ZNF91: variants seen among roughly 807,000 people sequenced by gnomAD.
ZNF91 encodes the protein zinc finger protein 91, also known as zinc finger protein 91 (HPF7, HTF10).
Under a neutral mutation model 12.6 loss-of-function variants are expected in ZNF91, and 7 were observed. That is an observed-to-expected ratio of 0.55 (90% CI 0.31 to 1.04). The LOEUF (loss-of-function observed/expected upper bound fraction) is 1.04, where lower values mean the gene tolerates loss of function less well. Among genes scored for constraint, ZNF91 ranks in the 50% least tolerant of loss-of-function variants. ZNF91 has a pLI of 0.05. For missense variants in ZNF91, 1,217 were observed against 1,385.4 expected (o/e 0.88, Z 1.93); for synonymous variants, 453 against 462.6 (o/e 0.98, Z 0.27).
chr19:23,390,178 T>C (rs1210476760), intron 1 of ZNF91, among the ~76,000 whole-genome samples: 2 of 151,926 alleles, frequency 1.3e-5, no homozygotes, highest in Non-Finnish European at 2.9e-5. Flanking sequence ...TAGCCAGGCA[T>C]GGTAGCACAT....
intron 1 of ZNF91, among the ~76,000 whole-genome samples, chr19:23,388,518 G>A (rs1321346204): frequency 1.3e-5 from 2 of 152,108 alleles, no homozygotes; most frequent in African/African-American, 4.8e-5. Flanking sequence ...AACTGGTACA[G>A]AAAAAAACAA....
At chr19:23,384,496 T>G in intron 1 of ZNF91, 1 of 878,394 alleles carries the variant, frequency 1.1e-6, no homozygotes, top group Non-Finnish European at 1.5e-6. Context: ...TGCCCTTTCT[T>G]CCGCTTGCAA....
downstream of ZNF91, among the ~76,000 whole-genome samples, chr19:23,356,467 G>A (rs1233329036): frequency 6.6e-6 from 1 of 152,148 alleles, no homozygotes; most frequent in African/African-American, 2.4e-5. Context: ...GATGAGATTG[G>A]AGACTATTAT....
chr19:23,348,626 T>G (rs1443195937), intron 3 of ZNF91, among the ~76,000 whole-genome samples: 2 of 152,208 alleles, frequency 1.3e-5, no homozygotes, highest in Non-Finnish European at 2.9e-5. Flanking sequence ...GTATGAAATC[T>G]GATTGTAAAA....
chr19:23,327,219 T>C (rs1435905080), intron 1 of ZNF91: 4 of 152,142 alleles, frequency 2.6e-5, no homozygotes, highest in African/African-American at 7.2e-5. Flanking sequence ...TTGATAATAA[T>C]TGATTATATA....
Position 23,387,187 on chromosome 19 carries a change from C to T in ZNF91, c.30+8138G>A, listed in dbSNP as rs185132130. Among the ~76,000 whole-genome samples, 36 of 152,346 alleles carry T rather than the reference C, an allele frequency of 2.4e-4. 1 individual carries two copies. The highest frequency in any genetic ancestry group is 2.4e-3 in the Admixed American group (36 of 15,290). On this transcript the variant is annotated intron_variant, in intron 1 of 3. Transcript: ENST00000300619. ...GAGAAAAGGGAATACTTATACATTG[C>T]TGTTAACAGTGTACATTAATTCAAC...
In ZNF91 at chr19:23,359,995, T is replaced by C. The variant is rs1490807940; in HGVS notation, c.2984A>G (p.Lys995Arg). The C allele has an allele frequency of 4.3e-6, 7 of 1,613,532 alleles. No individual in the cohort carries two copies. The Admixed American group carries it at 1.2e-4, about 27-fold the overall frequency. Residue 995 changes from lysine to arginine, a missense_variant, in exon 4 of 4, where the codon AAA becomes AGA. Coordinates refer to ENST00000300619, the MANE Select transcript of ZNF91 (RefSeq NM_003430.4). ...KIIHTGEKPY[K>R]CEECGKAFSQ... is the part of the protein sequence containing the mutation. ...AAATGCTTTGCCACATTCTTCACAT[T>C]TGTAGGGTTTCTCTCCAGTATGAAT...
intron 1 of ZNF91, 149 bp downstream of exon 1, chr19:23,395,175 GA>G: frequency 2.2e-6 from 2 of 917,632 alleles, no homozygotes; most frequent in East Asian, 2.6e-5. Context: ...TCTTATCGCT[GA>G]AGGGGACTGA....
At position 23,360,370 on chromosome 19, in the gene ZNF91, G is replaced by C. The variant is rs146124770; in HGVS notation, c.2609C>G (p.Thr870Arg). The part of the protein sequence containing the change: ...GKAFNQSSNL[T>R]THKIIHTKEK... ...TTTAGTATGAATTATCTTATGTGTC[G>C]TAAGATTTGAAGATTGATTAAAAGC... The change falls in exon 4 of 4, where the codon ACG becomes AGG. Residue 870 changes from threonine (T) to arginine (R), a missense_variant. Around this residue, in one of 2 missense-constraint regions of ZNF91, gnomAD observed 491 missense variants for 489.8 expected, o/e 1.00. Coordinates refer to ENST00000300619, the MANE Select transcript of ZNF91 (RefSeq NM_003430.4). 91 of 1,613,870 alleles carry C rather than the reference G, an allele frequency of 5.6e-5. No homozygotes were observed. Among genetic ancestry groups the C allele is most frequent in the Non-Finnish European group, 7.4e-5 (87 of 1,179,980 alleles).
At chr19:23,389,494 G>A (rs1969991979) in intron 1 of ZNF91, among the ~76,000 whole-genome samples, 1 of 152,070 alleles carries the variant, frequency 6.6e-6, no homozygotes. Flanking sequence ...ACACATTAAT[G>A]TCTAGTGGGT....
chr19:23,374,534 T>C, intron 2 of ZNF91, 104 bp downstream of exon 2: 1 of 1,189,058 alleles, frequency 8.4e-7, no homozygotes, highest in Admixed American at 3.1e-5. Flanking sequence ...CACTCCAGTC[T>C]GGGCAACAGA....
intron 1 of ZNF91, among the ~76,000 whole-genome samples, chr19:23,317,443 G>A (rs2145851142): frequency 6.6e-6 from 1 of 152,224 alleles, no homozygotes; most frequent in Non-Finnish European, 1.5e-5. Flanking sequence ...CAAGAGCTTA[G>A]GGTAAAAATT....
Position 23,360,857 on chromosome 19 carries a change from G to C in ZNF91, c.2122C>G (p.His708Asp). ...LSTLTKHKIIHAGEKLYKCEE... is the reference protein window; with the variant it reads ...LSTLTKHKIIDAGEKLYKCEE... ...CATTTGTAGAGTTTCTCTCCAGCAT[G>C]TATTATTTTATGTTTAGTAAGGGTT... is the stretch of plus-strand genomic sequence containing the variant. The change falls in exon 4 of 4, where the codon CAT becomes GAT. Residue 708 changes from histidine to aspartate, a missense_variant. Transcript: ENST00000300619. The C allele has an allele frequency of 1.2e-6, 2 of 1,613,828 alleles. No individual in the cohort carries two copies. The highest frequency in any genetic ancestry group is 1.7e-6 in the Non-Finnish European group (2 of 1,179,846).
chr19:23,377,849 A>G, intron 1 of ZNF91, among the ~76,000 whole-genome samples: 1 of 148,824 alleles, frequency 6.7e-6, no homozygotes, highest in Non-Finnish European at 1.5e-5. Flanking sequence ...GTGATAATTC[A>G]TTATTTGATT....
intron 1 of ZNF91, among the ~76,000 whole-genome samples, chr19:23,382,403 G>A (rs1240557965): frequency 6.6e-6 from 1 of 152,160 alleles, no homozygotes; most frequent in African/African-American, 2.4e-5. Context: ...GACCTATGAA[G>A]AGATTTAGAT....
At chr19:23,373,349 TATATATATATATATA>T (rs1568395100) in intron 3 of ZNF91, among the ~76,000 whole-genome samples, 299 of 13,476 alleles carry the variant, frequency 0.022, 7 homozygotes, top group African/African-American at 0.082. Context: ...TGTAATCTTA[TATATATATATATATA>T]TATATATATA....
Position 23,361,878 on chromosome 19 carries a change from A to T in ZNF91, c.1101T>A (p.Asn367Lys), listed in dbSNP as rs878923284. The change falls in exon 4 of 4, where the codon AAT (asparagine) becomes AAA (lysine). Residue 367 changes from asparagine (N) to lysine (K), a missense_variant. Coordinates refer to ENST00000300619, the MANE Select transcript of ZNF91 (RefSeq NM_003430.4). ...KAFSNSSTLA[N>K]HKITHTEEKP... ...TCTCTTCAGTATGAGTTATCTTATG[A>T]TTAGCAAGGGTTGAGGAATTGCTAA... The T allele has an allele frequency of 1.9e-6, 3 of 1,598,578 alleles. No individual in the cohort carries two copies. The highest frequency in any genetic ancestry group is 2.6e-6 in the Non-Finnish European group (3 of 1,174,254).
At chr19:23,345,529 C>A (rs917619980) in intron 3 of ZNF91, among the ~76,000 whole-genome samples, 19 of 152,146 alleles carry the variant, frequency 1.2e-4, no homozygotes, top group Non-Finnish European at 2.5e-4. Context: ...CACAACCCAA[C>A]CTCTGCAATT....
intron 1 of ZNF91, among the ~76,000 whole-genome samples, chr19:23,391,490 CT>C (rs1213213865): frequency 6.6e-6 from 1 of 152,054 alleles, no homozygotes; most frequent in Non-Finnish European, 1.5e-5. Context: ...TTGCTTTTCC[CT>C]AGGAAAAAAA....
Sources: allele counts gnomAD v4.1 joint callset (sites outside exome capture counted in the v4.1 genomes callset), GRCh38; gene constraint gnomAD v4.1.1; regional missense constraint gnomAD v4.1.1; transcripts MANE v1.5; gene names NCBI Gene and HGNC (gene_info 2026-07-23, HGNC 2026-07-21).